TRAPPC9: variants seen among roughly 807,000 people sequenced by gnomAD.
TRAPPC9 encodes IKK2 binding protein.
A neutral mutation model predicts 124.0 loss-of-function variants in TRAPPC9; 83 were observed. The observed-to-expected ratio is 0.67, with a 90% CI of 0.56 to 0.80. TRAPPC9 has a LOEUF of 0.80. Ranked by LOEUF, TRAPPC9 falls within the 30% of genes least tolerant of loss-of-function variation. The probability of loss-of-function intolerance (pLI) is 0.00; values close to 1 mark genes in which losing one functional copy is unlikely to be tolerated. For missense variants in TRAPPC9, 1,302 were observed against 1,508.3 expected (o/e 0.86, Z 2.27); for synonymous variants, 638 against 617.5 (o/e 1.03, Z -0.49).
chr8:139,754,351 C>T (rs887946968), intron 21 of TRAPPC9, among the ~76,000 whole-genome samples: 1 of 152,238 alleles, frequency 6.6e-6, no homozygotes, highest in Non-Finnish European at 1.5e-5. Context: ...GGGGCTCCCA[C>T]ATCTGCTCCC....
chr8:140,216,943 C>G lies in TRAPPC9; in HGVS notation c.2556+4516G>C, dbSNP rs1306065366. ...GAAGTCAAGACAGCCATGATGCACC[C>G]TTGTTTCCCCATCACACGGCACGCT... On this transcript the variant is annotated intron_variant, in intron 17 of 22. Transcript: ENST00000438773. The surrounding 1 kb of genome is among the most constrained non-coding windows in gnomAD (Gnocchi z 4.1). Among the ~76,000 whole-genome samples, 2 of 152,184 alleles carry G rather than the reference C, an allele frequency of 1.3e-5. No individual in the cohort carries two copies. The highest frequency in any genetic ancestry group is 2.9e-5 in the Non-Finnish European group (2 of 68,030).
intron 8 of TRAPPC9, among the ~76,000 whole-genome samples, chr8:140,368,073 T>C (rs899970472): frequency 6.6e-6 from 1 of 152,214 alleles, no homozygotes; most frequent in African/African-American, 2.4e-5. Context: ...CACCCCGTCA[T>C]GGTTTTTGGG....
chr8:139,873,506 T>C (rs1829133862), intron 21 of TRAPPC9, among the ~76,000 whole-genome samples: 1 of 152,118 alleles, frequency 6.6e-6, no homozygotes, highest in African/African-American at 2.4e-5. Flanking sequence ...TTGCTCTCCC[T>C]CAGTGCCATG....
At chr8:140,045,501 C>T (rs980181331) in intron 17 of TRAPPC9, among the ~76,000 whole-genome samples, 1 of 151,844 alleles carries the variant, frequency 6.6e-6, no homozygotes, top group East Asian at 1.9e-4. Context: ...GCGGCACGCA[C>T]CTGTAGTCCC....
At chr8:140,425,111 A>G (rs538542922) in intron 5 of TRAPPC9, among the ~76,000 whole-genome samples, 1 of 152,324 alleles carries the variant, frequency 6.6e-6, no homozygotes, top group East Asian at 1.9e-4. Flanking sequence ...AAGGGTTTAG[A>G]AAGGACCAAC....
intron 9 of TRAPPC9, among the ~76,000 whole-genome samples, chr8:140,314,778 T>C (rs2066400602): frequency 1.3e-5 from 2 of 152,260 alleles, no homozygotes; most frequent in South Asian, 4.1e-4. Context: ...GATTTAATTC[T>C]TTTTTATGGC....
chr8:140,363,247 C>T lies in TRAPPC9; in HGVS notation c.1352-3054G>A, dbSNP rs541577657. ...CAAATAAGATTTAAATGATACTAAG[C>T]GGCCCCTTAAGCCGGCAAGTACACA... On this transcript the variant is annotated intron_variant, in intron 8 of 22. Coordinates refer to ENST00000438773, the MANE Select transcript of TRAPPC9 (RefSeq NM_001160372.4). Among the ~76,000 whole-genome samples, 221 of 152,290 alleles carry T rather than the reference C, an allele frequency of 1.5e-3. 1 individual carries two copies. Among genetic ancestry groups the T allele is most frequent in the Middle Eastern group, 3.4e-3 (1 of 294 alleles).
intron 20 of TRAPPC9, among the ~76,000 whole-genome samples, chr8:139,893,849 G>A (rs996378073): frequency 4.6e-5 from 7 of 152,214 alleles, no homozygotes; most frequent in African/African-American, 1.7e-4. Flanking sequence ...CAACTTGCTG[G>A]CTTTGAGTGA....
intron 16 of TRAPPC9, among the ~76,000 whole-genome samples, chr8:140,233,451 G>A (rs1225686005): frequency 2.6e-5 from 4 of 151,924 alleles, no homozygotes; most frequent in South Asian, 2.1e-4. Flanking sequence ...TGATCCACCC[G>A]CCTCAGCCTC....
At chr8:139,741,034 T>C (rs530798187) in intron 21 of TRAPPC9, among the ~76,000 whole-genome samples, 1 of 152,268 alleles carries the variant, frequency 6.6e-6, no homozygotes, top group Non-Finnish European at 1.5e-5. Flanking sequence ...GTGACCCCAA[T>C]GAGCCCCAAG....
intron 17 of TRAPPC9, among the ~76,000 whole-genome samples, chr8:140,183,210 T>C (rs1268728439): frequency 1.3e-5 from 2 of 152,124 alleles, no homozygotes; most frequent in African/African-American, 4.8e-5. Flanking sequence ...GGAATAAAAA[T>C]TAATCCCTGC....
intron 1 of TRAPPC9, among the ~76,000 whole-genome samples, chr8:140,453,989 T>G (rs1431463296): frequency 6.6e-6 from 1 of 152,198 alleles, no homozygotes; most frequent in Admixed American, 6.5e-5. Context: ...AAGGGCCTTA[T>G]TTTAGAAGTA....
At chr8:140,083,353 T>C (rs1324059259) in intron 17 of TRAPPC9, among the ~76,000 whole-genome samples, 1 of 152,176 alleles carries the variant, frequency 6.6e-6, no homozygotes, top group East Asian at 1.9e-4. Context: ...GGAAAAATAT[T>C]CAGAATATTC....
At chr8:140,231,805 C>T (rs1177079213) in intron 16 of TRAPPC9, among the ~76,000 whole-genome samples, 1 of 152,028 alleles carries the variant, frequency 6.6e-6, no homozygotes, top group South Asian at 2.1e-4. Flanking sequence ...TCCTACCCTA[C>T]CCTTTTCACC....
At chr8:140,280,692 C>A (rs2065284467) in intron 14 of TRAPPC9, among the ~76,000 whole-genome samples, 1 of 152,076 alleles carries the variant, frequency 6.6e-6, no homozygotes, top group African/African-American at 2.4e-5. Context: ...CCTCTGCCTC[C>A]CAAAATGCTA....
intron 19 of TRAPPC9, among the ~76,000 whole-genome samples, chr8:139,977,891 G>A (rs1187669665): frequency 1.3e-5 from 2 of 151,924 alleles, no homozygotes. Flanking sequence ...ATGTTGGGCA[G>A]GCTGGTCTCA....
At chr8:140,243,169 T>C (rs745630002) in intron 16 of TRAPPC9, among the ~76,000 whole-genome samples, 3 of 152,184 alleles carry the variant, frequency 2.0e-5, no homozygotes, top group Non-Finnish European at 4.4e-5. Context: ...GACACTTTGA[T>C]GCAGGTGGTC....
At chr8:139,939,641 C>T (rs1833777101) in intron 19 of TRAPPC9, among the ~76,000 whole-genome samples, 1 of 152,344 alleles carries the variant, frequency 6.6e-6, no homozygotes, top group South Asian at 2.1e-4. Flanking sequence ...TGTCCCAGGC[C>T]ACCCCGTCGC....
At chr8:140,395,894 G>A (rs928096435) in intron 7 of TRAPPC9, among the ~76,000 whole-genome samples, 2 of 151,742 alleles carry the variant, frequency 1.3e-5, no homozygotes, top group Admixed American at 6.6e-5. Context: ...CCTGACCATC[G>A]GGCACCTAAC....
Sources: gnomAD v4.1 joint callset for allele counts (sites outside exome capture counted in the v4.1 genomes callset) on GRCh38, gnomAD v4.1.1 for gene constraint, Gnocchi (gnomAD v3.1) non-coding constraint, MANE v1.5 for transcripts, NCBI Gene and HGNC (gene_info 2026-07-23, HGNC 2026-07-21) for gene names.